Variants in UIMC1 observed in about 807,000 individuals in gnomAD.
The protein encoded by UIMC1 is ubiquitin interaction motif containing 1.
Under a neutral mutation model 84.9 loss-of-function variants are expected in UIMC1, and 42 were observed. The observed-to-expected ratio is 0.49, with a 90% CI of 0.39 to 0.64. The LOEUF is 0.64. Ranked by LOEUF, UIMC1 falls within the 30% of genes least tolerant of loss-of-function variation. The probability of loss-of-function intolerance (pLI) is 0.00; values close to 1 mark genes in which losing one functional copy is unlikely to be tolerated. For synonymous variants in UIMC1, 281 were observed against 293.0 expected, an observed-to-expected ratio of 0.96 and a Z score of 0.42; for missense variants, 825 against 847.6, an observed-to-expected ratio of 0.97 and a Z score of 0.33.
chr5:176,975,493 A>G lies in UIMC1; in HGVS notation c.148-13T>C, dbSNP rs760345077. On this transcript the variant is annotated splice_polypyrimidine_tract_variant and intron_variant, in intron 2 of 14. Transcript: ENST00000511320. ...CCTCCTTTGGTTCCTGTTGCAAAAC[A>G]AGAAATATCATCAGTGTGGCTGCCA... is the stretch of plus-strand genomic sequence containing the variant. 2.9e-5 allele frequency: 46 copies of G among 1,613,708 alleles called. No individual in the cohort carries two copies. In the Middle Eastern group the frequency reaches 4.9e-4, roughly 17 times the overall value.
intron 1 of UIMC1, among the ~76,000 whole-genome samples, chr5:176,995,843 CAAAA>C (rs34672103): frequency 0.014 from 1,103 of 79,630 alleles, 5 homozygotes; most frequent in South Asian, 0.036. Context: ...AACTCCATCT[CAAAA>C]AAAAAAAAAA....
rs370828837 is a variant in UIMC1 at position 176,973,316 on chromosome 5, C to T, written c.232+2080G>A. Among the ~76,000 whole-genome samples the T allele has an allele frequency of 1.6e-4, 25 of 152,108 alleles. No individual in the cohort carries two copies. The South Asian group carries it at 4.4e-3, about 27-fold the overall frequency. ...GGCAAAAATAAAATAAAATAAAAATCTTTTTATATATAAGATACAGACATA... is the reference window on the plus strand; with the variant it reads ...GGCAAAAATAAAATAAAATAAAAATTTTTTTATATATAAGATACAGACATA... On this transcript the variant is annotated intron_variant, in intron 3 of 14. Transcript: ENST00000511320.
At chr5:176,987,715 T>C (rs1271296480) in intron 1 of UIMC1, among the ~76,000 whole-genome samples, 1 of 151,698 alleles carries the variant, frequency 6.6e-6, no homozygotes, top group Non-Finnish European at 1.5e-5. Context: ...TCCCAGCTAC[T>C]TGGCAGGCTA....
At chr5:177,016,007 C>T (rs1245098022) in intron 1 of UIMC1, among the ~76,000 whole-genome samples, 1 of 151,996 alleles carries the variant, frequency 6.6e-6, no homozygotes, top group Non-Finnish European at 1.5e-5. Flanking sequence ...GCTGAGGGTG[C>T]AGTGAGCCGA....
At chr5:176,917,959 C>CA (rs1761226712) in intron 10 of UIMC1, among the ~76,000 whole-genome samples, 1 of 152,100 alleles carries the variant, frequency 6.6e-6, no homozygotes, top group African/African-American at 2.4e-5. Context: ...AACTCTGTCT[C>CA]AAAAAATAAT....
chr5:176,911,831 G>C (rs1444460093), intron 10 of UIMC1, among the ~76,000 whole-genome samples: 1 of 152,154 alleles, frequency 6.6e-6, no homozygotes, highest in Non-Finnish European at 1.5e-5. Context: ...ACTCTGAAAA[G>C]TTCTGCAGTG....
At chr5:176,906,608 A>T (rs956833546) in intron 13 of UIMC1, among the ~76,000 whole-genome samples, 2 of 152,244 alleles carry the variant, frequency 1.3e-5, no homozygotes, top group African/African-American at 4.8e-5. Context: ...GCTTTACCAG[A>T]TACAATTCTT....
rs1768759845 is a variant in UIMC1, at chr5:176,968,963, G to T, written c.792C>A (p.Ala264=). The change falls in exon 6 of 15, where the codon GCC becomes GCA. Residue 264 remains alanine, a synonymous_variant. Coordinates refer to ENST00000511320, the MANE Select transcript of UIMC1 (RefSeq NM_001199298.2). ...SRHCLPTLAD[A]KGLQDTGGTV... is the part of the protein sequence containing the mutation. ...TGCCCCCAGTGTCCTGGAGACCTTTGGCATCTGCTAGGGTAGGTAGACAGT... is the reference window on the plus strand; with the variant it reads ...TGCCCCCAGTGTCCTGGAGACCTTTTGCATCTGCTAGGGTAGGTAGACAGT... The T allele has an allele frequency of 6.2e-7, 1 of 1,614,034 alleles. No individual in the cohort carries two copies. The highest frequency in any genetic ancestry group is 1.3e-5 in the African/African-American group (1 of 74,916).
At chr5:176,941,164 T>C (rs1321167061) in intron 10 of UIMC1, among the ~76,000 whole-genome samples, 1 of 152,200 alleles carries the variant, frequency 6.6e-6, no homozygotes, top group Non-Finnish European at 1.5e-5. Context: ...TTACCAAATA[T>C]TATGTAGGCA....
intron 10 of UIMC1, among the ~76,000 whole-genome samples, chr5:176,929,515 C>T (rs1176515593): frequency 1.3e-5 from 2 of 151,682 alleles, no homozygotes; most frequent in Non-Finnish European, 2.9e-5. Context: ...TGCAGTGAGC[C>T]GAAATCGTGC....
intron 10 of UIMC1, among the ~76,000 whole-genome samples, chr5:176,914,044 T>C (rs1412649702): frequency 6.8e-5 from 10 of 147,346 alleles, no homozygotes; most frequent in Middle Eastern, 3.2e-3. Context: ...CCATACACCA[T>C]ACCATACCAT....
chr5:176,968,470 GA>G lies in UIMC1; in HGVS notation c.1200+84del, dbSNP rs1768663206. ...GTATTACTTTAATAATCAAGGAGGG[GA>G]AGACCACAAAAATAACAGCTAAAAT... On this transcript the variant is annotated intron_variant, in intron 6 of 14. Coordinates refer to ENST00000511320, the MANE Select transcript of UIMC1 (RefSeq NM_001199298.2). The G allele has an allele frequency of 2.7e-6, 4 of 1,504,498 alleles. No individual in the cohort carries two copies. The Admixed American group carries it at 6.7e-5, about 25-fold the overall frequency. 93.2% of individuals were successfully genotyped at this position (1,504,498 alleles called of 1,614,324 possible).
At chr5:176,987,846 G>A (rs865894316) in intron 1 of UIMC1, among the ~76,000 whole-genome samples, 8 of 150,100 alleles carry the variant, frequency 5.3e-5, no homozygotes, top group South Asian at 2.1e-4. Flanking sequence ...GACATCAAAC[G>A]TAAAAGTAGC....
At chr5:176,926,005 T>C (rs62402801) in intron 10 of UIMC1, among the ~76,000 whole-genome samples, 20,022 of 152,162 alleles carry the variant, frequency 0.13, 1,679 homozygotes, top group East Asian at 0.19. Flanking sequence ...GCTAGAGAGA[T>C]ACATAGATTT....
rs1310950018 is a variant in UIMC1, at chr5:176,961,141, G to A, written c.1201-2987C>T. Among the ~76,000 whole-genome samples, 3 of 80,868 alleles carry A rather than the reference G, an allele frequency of 3.7e-5. 1 individual carries two copies. The East Asian group carries it at 9.4e-4, about 25-fold the overall frequency. The allele number at this position is 80,868 out of a possible 152,430, so 53.1% of individuals were successfully genotyped here. On this transcript the variant is annotated intron_variant, in intron 6 of 14. Transcript: ENST00000511320. ...TCTGCTCGGCTGCCCAGTCTGGGAA[G>A]TGAGGAGCGTCTCCGCCCGGCCGCC...
At position 176,968,592 on chromosome 5, in the gene UIMC1, A is replaced by T. The variant is rs762114652; in HGVS notation, c.1163T>A (p.Leu388His). ...GGTTGTTGGTTCTTCCTCCAACAAA[A>T]GTTTCTCTTTCAAGCTTTTAATTGA... is the stretch of plus-strand genomic sequence containing the variant. ...ESSIKSLKEK[L>H]LLEEEPTTSH... The change falls in exon 6 of 15, where the codon CTT becomes CAT. Residue 388 changes from leucine (L) to histidine (H), a missense_variant. Physicochemically the swap from Leu to His is moderately conservative, Grantham distance 99 (BLOSUM62 -3). Coordinates refer to ENST00000511320, the MANE Select transcript of UIMC1 (RefSeq NM_001199298.2). 5 of 1,612,462 alleles carry T rather than the reference A, an allele frequency of 3.1e-6. No homozygotes were observed. Among genetic ancestry groups the T allele is most frequent in the South Asian group, 2.2e-5 (2 of 90,878 alleles).
At chr5:177,017,390 CTTTT>C (rs1202930128) in intron 1 of UIMC1, among the ~76,000 whole-genome samples, 1 of 152,060 alleles carries the variant, frequency 6.6e-6, no homozygotes, top group Admixed American at 6.6e-5. Context: ...TCATCTCCCT[CTTTT>C]TTATTTTTTT....
At chr5:176,934,168 C>A (rs572588959) in intron 10 of UIMC1, among the ~76,000 whole-genome samples, 1 of 152,086 alleles carries the variant, frequency 6.6e-6, no homozygotes, top group Non-Finnish European at 1.5e-5. Context: ...ATTTCACTAA[C>A]AGCAGGATAT....
At chr5:177,014,738 G>T (rs1258049503) in intron 1 of UIMC1, among the ~76,000 whole-genome samples, 2 of 152,066 alleles carry the variant, frequency 1.3e-5, no homozygotes, top group African/African-American at 4.8e-5. Context: ...GGAATAGAAT[G>T]AATAAAGGCA....
Sources: allele counts gnomAD v4.1 joint callset (sites outside exome capture counted in the v4.1 genomes callset), GRCh38; gene constraint gnomAD v4.1.1; transcripts MANE v1.5; gene names NCBI Gene and HGNC (gene_info 2026-07-23, HGNC 2026-07-21).